The following KIRREL3 variants were observed in gnomAD, a reference collection of about 807,000 sequenced individuals.
KIRREL3 encodes the protein kin of IRRE-like protein 3.
In KIRREL3, 36 loss-of-function variants were observed where a neutral mutation model predicts 89.7. The observed-to-expected ratio is 0.40, with a 90% CI of 0.31 to 0.53. The LOEUF (loss-of-function observed/expected upper bound fraction) is 0.53. Ranked by LOEUF, KIRREL3 falls within the 20% of genes least tolerant of loss-of-function variation. The pLI is 0.49. For missense variants in KIRREL3, 864 were observed against 1,056.6 expected (o/e 0.82, Z 2.53); for synonymous variants, 445 against 441.4 (o/e 1.01, Z -0.10).
chr11:126,868,984 C>T (rs1324481594), intron 1 of KIRREL3, among the ~76,000 whole-genome samples: 4 of 152,046 alleles, frequency 2.6e-5, no homozygotes, highest in Non-Finnish European at 5.9e-5. Flanking sequence ...AAGCCTCCAC[C>T]CTTGTGACCT....
chr11:126,629,216 T>A (rs1024715907), intron 1 of KIRREL3, among the ~76,000 whole-genome samples: 1 of 152,098 alleles, frequency 6.6e-6, no homozygotes, highest in Non-Finnish European at 1.5e-5. Context: ...CTGGGCGCGC[T>A]GTGTGGGTTT....
At chr11:126,714,234 A>G (rs897389463) in intron 1 of KIRREL3, among the ~76,000 whole-genome samples, 2 of 152,286 alleles carry the variant, frequency 1.3e-5, no homozygotes, top group Admixed American at 6.5e-5. Flanking sequence ...GACATAATCA[A>G]TGGAGGAGTT....
In KIRREL3 at chr11:126,783,718, T is replaced by C. The variant is rs1257079838; in HGVS notation, c.55+216737A>G. 1.3e-5 allele frequency among the ~76,000 whole-genome samples: 2 copies of C among 152,232 alleles called. No homozygotes were observed. The highest frequency in any genetic ancestry group is 4.8e-5 in the African/African-American group (2 of 41,468). ...GACTCCAGTGCAGAATTCCAAATAA[T>C]TCACGTAGATGCCTTGCCCTCAAAG... On this transcript the variant is annotated intron_variant, in intron 1 of 16. Coordinates refer to ENST00000525144, the MANE Select transcript of KIRREL3 (RefSeq NM_032531.4). The surrounding 1 kb of genome is among the most constrained non-coding windows in gnomAD (Gnocchi z 4.3).
intron 1 of KIRREL3, among the ~76,000 whole-genome samples, chr11:126,633,244 A>T (rs1591845842): frequency 1.3e-5 from 2 of 152,000 alleles, no homozygotes; most frequent in South Asian, 2.1e-4. Context: ...GGGTGAGGGG[A>T]GGGAATGTAG....
intron 1 of KIRREL3, among the ~76,000 whole-genome samples, chr11:126,816,150 T>C (rs1951565641): frequency 6.6e-6 from 1 of 152,224 alleles, no homozygotes; most frequent in Admixed American, 6.5e-5. Flanking sequence ...AATTGCCGTA[T>C]TGGAGTCTTA....
At chr11:126,816,686 C>A (rs1592168589) in intron 1 of KIRREL3, among the ~76,000 whole-genome samples, 1 of 152,178 alleles carries the variant, frequency 6.6e-6, no homozygotes, top group African/African-American at 2.4e-5. Context: ...TTTCACCAAC[C>A]CCATCTGCAC....
At chr11:126,500,601 G>T (rs555899648) in intron 4 of KIRREL3, among the ~76,000 whole-genome samples, 2 of 152,108 alleles carry the variant, frequency 1.3e-5, no homozygotes, top group Non-Finnish European at 2.9e-5. Context: ...TTAGCTGGGC[G>T]TGGTGGCGGG....
At chr11:126,838,618 T>C (rs1392998153) in intron 1 of KIRREL3, among the ~76,000 whole-genome samples, 1 of 152,136 alleles carries the variant, frequency 6.6e-6, no homozygotes, top group African/African-American at 2.4e-5. Context: ...CAGCATGGAG[T>C]ATGAGTTCAA....
chr11:126,984,708 A>C (rs1465545384), intron 1 of KIRREL3, among the ~76,000 whole-genome samples: 5 of 152,182 alleles, frequency 3.3e-5, no homozygotes, highest in Non-Finnish European at 5.9e-5. Context: ...AACTTTGTCC[A>C]AGCTCCCCGC....
chr11:126,497,881 T>C (rs1957725461), intron 4 of KIRREL3, among the ~76,000 whole-genome samples: 1 of 152,216 alleles, frequency 6.6e-6, no homozygotes, highest in Non-Finnish European at 1.5e-5. Flanking sequence ...AGCCTGGGCC[T>C]GAGCCTGGAG....
Position 126,668,877 on chromosome 11 carries a change from T to C in KIRREL3, c.56-105965A>G, listed in dbSNP as rs969463995. Among the ~76,000 whole-genome samples the C allele has an allele frequency of 1.8e-4, 28 of 152,148 alleles. No individual in the cohort carries two copies. Among genetic ancestry groups the C allele is most frequent in the African/African-American group, 5.5e-4 (23 of 41,508 alleles). ...GTGTGCTGCTAAGAATCTATTCCTA[T>C]AGGCGTTTGGTCATTGCAGGGTTAA... On this transcript the variant is annotated intron_variant, in intron 1 of 16. Transcript: ENST00000525144. This position sits in a 1 kb window ranked among gnomAD's most constrained non-coding sequence, Gnocchi z 4.4.
chr11:126,842,965 C>A (rs1167637071), intron 1 of KIRREL3, among the ~76,000 whole-genome samples: 1 of 150,510 alleles, frequency 6.6e-6, no homozygotes, highest in African/African-American at 2.4e-5. Context: ...TTTTTTCTTT[C>A]TGTAAATGCA....
chr11:126,949,758 GACT>G, intron 1 of KIRREL3, among the ~76,000 whole-genome samples: 1 of 152,286 alleles, frequency 6.6e-6, no homozygotes, highest in East Asian at 1.9e-4. Context: ...CAGTGTAGGA[GACT>G]TCATTCTCCA....
At position 126,977,718 on chromosome 11, in the gene KIRREL3, T is replaced by C. The variant is rs1949619765; in HGVS notation, c.55+22737A>G. The stretch of plus-strand genomic sequence containing the variant: ...CCAGAGTGACAGAGTCCCTTATTGA[T>C]TTTTCCCCAACCTTCTGAATGATCA... On this transcript the variant is annotated intron_variant, in intron 1 of 16. Coordinates refer to ENST00000525144, the MANE Select transcript of KIRREL3 (RefSeq NM_032531.4). This position sits in a 1 kb window ranked among gnomAD's most constrained non-coding sequence, Gnocchi z 4.7. Among the ~76,000 whole-genome samples the C allele has an allele frequency of 6.6e-6, 1 of 152,154 alleles. No individual in the cohort carries two copies. Among genetic ancestry groups the C allele is most frequent in the African/African-American group, 2.4e-5 (1 of 41,430 alleles).
At chr11:126,580,836 GT>G (rs58691243) in intron 1 of KIRREL3, among the ~76,000 whole-genome samples, 32,844 of 140,672 alleles carry the variant, frequency 0.23, 3,776 homozygotes, top group East Asian at 0.44. Flanking sequence ...GGAATTTCCT[GT>G]TTTTTTTTTT....
At chr11:126,930,494 T>C (rs1013158118) in intron 1 of KIRREL3, among the ~76,000 whole-genome samples, 1 of 152,198 alleles carries the variant, frequency 6.6e-6, no homozygotes, top group Non-Finnish European at 1.5e-5. Flanking sequence ...TGCCCTTAAC[T>C]TTCCTAAATG....
chr11:126,982,796 C>T (rs532022574), intron 1 of KIRREL3, among the ~76,000 whole-genome samples: 1 of 152,228 alleles, frequency 6.6e-6, no homozygotes, highest in African/African-American at 2.4e-5. Context: ...TCCATTCATC[C>T]TTTCTTTCAC....
At position 126,703,723 on chromosome 11, in the gene KIRREL3, C is replaced by T. The variant is rs2134124707; in HGVS notation, c.56-140811G>A. Among the ~76,000 whole-genome samples the T allele has an allele frequency of 6.6e-6, 1 of 152,310 alleles. No individual in the cohort carries two copies. The highest frequency in any genetic ancestry group is 2.1e-4 in the South Asian group (1 of 4,826). On this transcript the variant is annotated intron_variant, in intron 1 of 16. Coordinates refer to ENST00000525144, the MANE Select transcript of KIRREL3 (RefSeq NM_032531.4). This position sits in a 1 kb window ranked among gnomAD's most constrained non-coding sequence, Gnocchi z 4.6. The stretch of plus-strand genomic sequence containing the variant: ...TCCTAAGCCTGGGCCCTCTGACTGC[C>T]TGGGCCAGTGTTTCCGTGCCAGAAA...
rs546420712 is a variant in KIRREL3 at position 126,988,745 on chromosome 11, A to G, written c.55+11710T>C. On this transcript the variant is annotated intron_variant, in intron 1 of 16. Transcript: ENST00000525144. ...GGTCTAAGGATCCCTACTTTATTAGATTGCTAGGGGATGGAATAAGGGAAT... is the reference window on the plus strand; with the variant it reads ...GGTCTAAGGATCCCTACTTTATTAGGTTGCTAGGGGATGGAATAAGGGAAT... 9.2e-5 allele frequency among the ~76,000 whole-genome samples: 14 copies of G among 152,252 alleles called. No individual in the cohort carries two copies. The South Asian group carries it at 2.7e-3, about 29-fold the overall frequency.
Sources: gnomAD v4.1 joint callset for allele counts (sites outside exome capture counted in the v4.1 genomes callset) on GRCh38, gnomAD v4.1.1 for gene constraint, Gnocchi (gnomAD v3.1) non-coding constraint, MANE v1.5 for transcripts, NCBI Gene and HGNC (gene_info 2026-07-23, HGNC 2026-07-21) for gene names.